The following CD163L1 variants were observed in gnomAD, a reference collection of about 807,000 sequenced individuals.
CD163L1 encodes the protein scavenger receptor cysteine-rich type 1 protein M160.
Under a neutral mutation model 165.4 loss-of-function variants are expected in CD163L1, and 124 were observed. The observed-to-expected ratio is 0.75, with a 90% CI of 0.65 to 0.87. The LOEUF (loss-of-function observed/expected upper bound fraction) is 0.87, where lower values mean the gene tolerates loss of function less well. Among genes scored for constraint, CD163L1 ranks in the 40% least tolerant of loss-of-function variants. The probability of loss-of-function intolerance (pLI) is 0.00; values close to 1 mark genes in which losing one functional copy is unlikely to be tolerated. For missense variants in CD163L1, 1,525 were observed against 1,799.9 expected (o/e 0.85, Z 2.76); for synonymous variants, 585 against 662.2 (o/e 0.88, Z 1.79).
At position 7,432,655 on chromosome 12, in the gene CD163L1, C is replaced by T. The variant is rs2136632536; in HGVS notation, c.527G>A (p.Trp176Ter). 8 of 1,614,064 alleles carry T rather than the reference C, an allele frequency of 5.0e-6. No homozygotes were observed. The highest frequency in any genetic ancestry group is 2.2e-5 in the South Asian group (2 of 91,064). ...GRVEVKFQERWGTICDDGWNL... is the reference protein window; with the variant it reads ...GRVEVKFQER Reference sequence around the variant, plus strand: ...CCACCCATCATCACATATAGTTCCCCACCTTTCTTGGAATTTCACCTCCAC... The same window carrying T: ...CCACCCATCATCACATATAGTTCCCTACCTTTCTTGGAATTTCACCTCCAC... Residue 176 changes from tryptophan to a stop codon, truncating the protein, a stop_gained, in exon 4 of 20, where the codon TGG becomes TAG. Coordinates refer to ENST00000313599, the MANE Select transcript of CD163L1 (RefSeq NM_174941.6). LOFTEE classifies it high-confidence loss of function. This position sits in a 1 kb window ranked among gnomAD's most constrained non-coding sequence, Gnocchi z 4.2.
At chr12:7,367,482 AC>A in intron 17 of CD163L1, 151 bp from the exon 18 acceptor site, 1 of 488,926 alleles carries the variant, frequency 2.0e-6, no homozygotes, top group Non-Finnish European at 3.7e-6. Flanking sequence ...TGAATTTTTT[AC>A]ATTTTTAAAA....
Position 7,373,398 on chromosome 12 carries a change from A to C in CD163L1, c.3652T>G (p.Ser1218Ala). Residue 1218 changes from serine (S) to alanine (A), a missense_variant, in exon 14 of 20, where the codon TCC becomes GCC. Coordinates refer to ENST00000313599, the MANE Select transcript of CD163L1 (RefSeq NM_174941.6). ...GGGGCAGACAGGCACTGCCATATGG[A>C]GATATGCGTTTTAGGACACTGAATG... is the stretch of plus-strand genomic sequence containing the variant. ...DDIQCPKTHI[S>A]IWQCLSAPWE... 6.2e-7 allele frequency: 1 copy of C among 1,614,154 alleles called. No individual in the cohort carries two copies. The highest frequency in any genetic ancestry group is 8.5e-7 in the Non-Finnish European group (1 of 1,180,010).
chr12:7,322,470 C>A, the CD163L1 span: 4 of 1,613,764 alleles, frequency 2.5e-6, no homozygotes, highest in Non-Finnish European at 3.4e-6. Context: ...GCCACTCAAC[C>A]CAGAAGTGCT....
chr12:7,368,901 T>C lies in CD163L1; in HGVS notation c.4072+32A>G. 1 of 1,611,046 alleles carries C rather than the reference T, an allele frequency of 6.2e-7. No homozygotes were observed. ...TGACCTTCCATGTAGCCTTAGGTATTTGTGTCAGCACTGATAGGCAGAAGA... is the reference window on the plus strand; with the variant it reads ...TGACCTTCCATGTAGCCTTAGGTATCTGTGTCAGCACTGATAGGCAGAAGA... On this transcript the variant is annotated intron_variant, in intron 16 of 19. Coordinates refer to ENST00000313599, the MANE Select transcript of CD163L1 (RefSeq NM_174941.6). This position sits in a 1 kb window ranked among gnomAD's most constrained non-coding sequence, Gnocchi z 4.3.
chr12:7,368,227 T>C lies in CD163L1; in HGVS notation c.4073-30A>G. 4.8e-6 allele frequency: 6 copies of C among 1,246,562 alleles called. No individual in the cohort carries two copies. The highest frequency in any genetic ancestry group is 7.1e-6 in the Non-Finnish European group (6 of 850,734). The allele number at this position is 1,246,562 out of a possible 1,614,324, so 77.2% of individuals were successfully genotyped here. A position where few individuals can be genotyped will look rare whatever the true frequency, so the allele number is the denominator to read the frequency against. On this transcript the variant is annotated intron_variant, in intron 16 of 19. Transcript: ENST00000313599. This position sits in a 1 kb window ranked among gnomAD's most constrained non-coding sequence, Gnocchi z 4.3. ...ATAGAAATTAAGCATTGATAAGTAT[T>C]AAACTAGTAGATATCAATTGTGGGT...
chr12:7,394,568 G>C (rs1947732967), intron 8 of CD163L1, among the ~76,000 whole-genome samples: 1 of 152,080 alleles, frequency 6.6e-6, no homozygotes, highest in Admixed American at 6.5e-5. Flanking sequence ...AAAAGCAATG[G>C]CAACAAAAGC....
intron 8 of CD163L1, among the ~76,000 whole-genome samples, chr12:7,390,788 A>G (rs1474673333): frequency 6.6e-6 from 1 of 152,228 alleles, no homozygotes; most frequent in Non-Finnish European, 1.5e-5. Context: ...AAAACAAGGA[A>G]GCCCAAAGAC....
chr12:7,338,635 C>T, the CD163L1 span, among the ~76,000 whole-genome samples: 2 of 152,144 alleles, frequency 1.3e-5, no homozygotes, highest in Non-Finnish European at 1.5e-5. Context: ...GTCTAGTAAC[C>T]TACCTTCCTC....
chr12:7,362,951 A>G (rs1946935386), intron 18 of CD163L1, among the ~76,000 whole-genome samples: 1 of 151,878 alleles, frequency 6.6e-6, no homozygotes, highest in African/African-American at 2.4e-5. Context: ...AAATAAAGAA[A>G]TTAAGAAAAT....
At position 7,368,847 on chromosome 12, in the gene CD163L1, T is replaced by G; in HGVS notation, c.4072+86A>C. On this transcript the variant is annotated intron_variant, in intron 16 of 19. Transcript: ENST00000313599. The surrounding 1 kb of genome is among the most constrained non-coding windows in gnomAD (Gnocchi z 4.3). Reference sequence around the variant, plus strand: ...TATTTCTGCAGTCCCCAGTCTTCTTTGATTATCATAGCAGTTTCTGCCCTC... The same window carrying G: ...TATTTCTGCAGTCCCCAGTCTTCTTGGATTATCATAGCAGTTTCTGCCCTC... 1 of 1,452,094 alleles carries G rather than the reference T, an allele frequency of 6.9e-7. No homozygotes were observed. Among genetic ancestry groups the G allele is most frequent in the Non-Finnish European group, 9.7e-7 (1 of 1,035,812 alleles). The allele number at this position is 1,452,094 out of a possible 1,614,324, so 90.0% of individuals were successfully genotyped here.
chr12:7,329,773 A>G, the CD163L1 span, among the ~76,000 whole-genome samples: 1 of 152,200 alleles, frequency 6.6e-6, no homozygotes, highest in Non-Finnish European at 1.5e-5. Context: ...AAATTTTTTA[A>G]TGAGTTCAGG....
In CD163L1 at chr12:7,368,941, G is replaced by A. The variant is rs1379338519; in HGVS notation, c.4064C>T (p.Ala1355Val). Residue 1355 changes from alanine to valine, a missense_variant, in exon 16 of 20, where the codon GCC (alanine) becomes GTC (valine). Physicochemically the swap from Ala to Val is moderately conservative, Grantham distance 64. Transcript: ENST00000313599. This position sits in a 1 kb window ranked among gnomAD's most constrained non-coding sequence, Gnocchi z 4.3. ...CSGQSLKSLN[A>V]SSGHLALILS... is the part of the protein sequence containing the mutation. The stretch of plus-strand genomic sequence containing the variant: ...TAGGCAGAAGACTATACCTGAGGAG[G>A]CATTCAGTGATTTCAGCGACTGTCC... 6.2e-7 allele frequency: 1 copy of A among 1,613,270 alleles called. No homozygotes were observed.
At chr12:7,348,754 T>C (rs976971743) in intron 4 of CD163L1, among the ~76,000 whole-genome samples, 2 of 151,896 alleles carry the variant, frequency 1.3e-5, no homozygotes, top group Non-Finnish European at 2.9e-5. Context: ...TAAATATTCA[T>C]TACTTAGGTT....
chr12:7,368,516 G>C lies in CD163L1; in HGVS notation c.4073-319C>G, dbSNP rs1167193591. On this transcript the variant is annotated intron_variant, in intron 16 of 19. Transcript: ENST00000313599. The surrounding 1 kb of genome is among the most constrained non-coding windows in gnomAD (Gnocchi z 4.3). The stretch of plus-strand genomic sequence containing the variant: ...ATCAGAAAATACTAGGGCTTGAGCT[G>C]AGCTGTTTCTTTCTTTTTTTTTTTT... 2.0e-5 allele frequency among the ~76,000 whole-genome samples: 3 copies of C among 150,392 alleles called. No homozygotes were observed. The highest frequency in any genetic ancestry group is 3.0e-5 in the Non-Finnish European group (2 of 67,744).
chr12:7,423,935 T>C (rs1948488005), intron 4 of CD163L1, among the ~76,000 whole-genome samples: 1 of 152,088 alleles, frequency 6.6e-6, no homozygotes, highest in Admixed American at 6.6e-5. Flanking sequence ...TCTGAAACTA[T>C]TACAAACAAT....
chr12:7,356,282 G>A (rs887170674), intron 19 of CD163L1, among the ~76,000 whole-genome samples: 6 of 152,002 alleles, frequency 3.9e-5, no homozygotes, highest in African/African-American at 1.4e-4. Context: ...ATAAATATAA[G>A]TCTTGGTATT....
chr12:7,412,905 G>T (rs916075221), intron 4 of CD163L1, among the ~76,000 whole-genome samples: 2 of 151,820 alleles, frequency 1.3e-5, no homozygotes, highest in African/African-American at 4.8e-5. Flanking sequence ...GATCAGCCTG[G>T]CCAAGATGGT....
At chr12:7,322,379 G>T in the CD163L1 span, 1 of 1,612,096 alleles carries the variant, frequency 6.2e-7, no homozygotes, top group East Asian at 2.2e-5. Context: ...AAGCACTCAG[G>T]TTCCTCTTGA....
intron 4 of CD163L1, among the ~76,000 whole-genome samples, chr12:7,418,268 T>C (rs1290948545): frequency 3.9e-5 from 6 of 152,050 alleles, no homozygotes; most frequent in African/African-American, 1.4e-4. Context: ...AATTACATAA[T>C]CTGCTCCTGA....
Sources: gnomAD v4.1 joint callset for allele counts (sites outside exome capture counted in the v4.1 genomes callset) on GRCh38, gnomAD v4.1.1 for gene constraint, Gnocchi (gnomAD v3.1) non-coding constraint, MANE v1.5 for transcripts, NCBI Gene and HGNC (gene_info 2026-07-23, HGNC 2026-07-21) for gene names.